POLK: variants seen among roughly 807,000 people sequenced by gnomAD.
POLK encodes the protein DNA polymerase kappa.
In POLK, 76 loss-of-function variants were observed where a neutral mutation model predicts 94.0. That is an observed-to-expected ratio of 0.81 (90% CI 0.67 to 0.98). The LOEUF (loss-of-function observed/expected upper bound fraction) is 0.98, where lower values mean the gene tolerates loss of function less well. Among genes scored for constraint, POLK ranks in the 50% least tolerant of loss-of-function variants. The probability of loss-of-function intolerance (pLI) is 0.00; values close to 1 mark genes in which losing one functional copy is unlikely to be tolerated. For synonymous variants in POLK, 349 were observed against 325.4 expected, an observed-to-expected ratio of 1.07 and a Z score of -0.78; for missense variants, 954 against 1,010.1, an observed-to-expected ratio of 0.94 and a Z score of 0.75.
At chr5:75,551,985 A>G (rs1324402012) in intron 2 of POLK, among the ~76,000 whole-genome samples, 1 of 152,250 alleles carries the variant, frequency 6.6e-6, no homozygotes, top group Admixed American at 6.5e-5. Flanking sequence ...TCAACCAGAT[A>G]AATGGATAGA....
At chr5:75,589,438 CGT>C (rs1308307969) in intron 10 of POLK, among the ~76,000 whole-genome samples, 90 of 144,086 alleles carry the variant, frequency 6.2e-4, no homozygotes, top group African/African-American at 1.9e-3. Context: ...CACACACACA[CGT>C]GGAATATTTC....
At chr5:75,599,870 C>T (rs940271630) in exon 15 of POLK, 12 of 152,084 alleles carry the variant, frequency 7.9e-5, no homozygotes, top group Non-Finnish European at 1.6e-4. Context: ...TATGCCTTCA[C>T]TTTTGTTTTC....
intron 4 of POLK, among the ~76,000 whole-genome samples, chr5:75,572,329 T>G (rs1771639106): frequency 6.6e-6 from 1 of 152,180 alleles, no homozygotes; most frequent in Non-Finnish European, 1.5e-5. Context: ...TTTCTAAACT[T>G]ATTTTAAGCT....
Position 75,569,396 on chromosome 5 carries a change from G to A in POLK, c.312G>A (p.Val104=), listed in dbSNP as rs765815563. The A allele has an allele frequency of 5.0e-6, 8 of 1,613,424 alleles. No individual in the cohort carries two copies. In the Admixed American group the frequency reaches 1.0e-4, roughly 20 times the overall value. The stretch of plus-strand genomic sequence containing the variant: ...GCCGAAATTTGAGCAATACCATAGT[G>A]CACATTGACATGGATGCTTTCTATG... Residue 104 remains valine, a synonymous_variant, in exon 4 of 15, where the codon GTG becomes GTA. Coordinates refer to ENST00000241436, the Ensembl canonical transcript of POLK.
intron 2 of POLK, among the ~76,000 whole-genome samples, chr5:75,550,168 T>G (rs1022539318): frequency 6.6e-6 from 1 of 152,222 alleles, no homozygotes; most frequent in Non-Finnish European, 1.5e-5. Flanking sequence ...AAACACAAGG[T>G]TATACATCAT....
At chr5:75,516,915 ATG>A (rs1768351802) in intron 1 of POLK, among the ~76,000 whole-genome samples, 2 of 152,054 alleles carry the variant, frequency 1.3e-5, no homozygotes, top group Non-Finnish European at 1.5e-5. Context: ...TTTTACCATG[ATG>A]TGTTCTTGAT....
intron 2 of POLK, among the ~76,000 whole-genome samples, chr5:75,550,287 G>A (rs1770267383): frequency 6.6e-6 from 1 of 152,100 alleles, no homozygotes; most frequent in African/African-American, 2.4e-5. Flanking sequence ...AGCAAGGTTG[G>A]TTTAAGATCT....
At chr5:75,511,952 G>T in intron 1 of POLK, 38 bp downstream of exon 1, 1 of 818,078 alleles carries the variant, frequency 1.2e-6, no homozygotes, top group Non-Finnish European at 1.9e-6. Flanking sequence ...TCCCCTTGGG[G>T]CCTTGTCAGT....
At chr5:75,592,523 G>A (rs1442347988) in intron 11 of POLK, among the ~76,000 whole-genome samples, 1 of 152,066 alleles carries the variant, frequency 6.6e-6, no homozygotes, top group African/African-American at 2.4e-5. Context: ...AGACCAGCCT[G>A]GCCAACATGG....
intron 1 of POLK, among the ~76,000 whole-genome samples, chr5:75,539,737 G>T (rs905744073): frequency 6.6e-6 from 1 of 152,110 alleles, no homozygotes; most frequent in Non-Finnish European, 1.5e-5. Flanking sequence ...GGGATTATAG[G>T]CATAAGCCAC....
intron 1 of POLK, among the ~76,000 whole-genome samples, chr5:75,544,378 G>A (rs1461052392): frequency 1.3e-5 from 2 of 152,096 alleles, no homozygotes; most frequent in Non-Finnish European, 1.5e-5. Context: ...CAGGTGTGGT[G>A]GCTCAGGCCT....
intron 1 of POLK, among the ~76,000 whole-genome samples, chr5:75,545,074 A>G (rs768454875): frequency 1.3e-5 from 2 of 152,202 alleles, no homozygotes; most frequent in African/African-American, 2.4e-5. Context: ...CTTTGGCGTC[A>G]CAGCTCTCCA....
In POLK at chr5:75,563,374, G is replaced by A. The variant is rs140612492; in HGVS notation, c.256-5966G>A. ...TCCTGAACTCATTGATTTTTTTAAGGGATTTTCGTGTCTCTATCTCCTTCA... is the reference window on the plus strand; with the variant it reads ...TCCTGAACTCATTGATTTTTTTAAGAGATTTTCGTGTCTCTATCTCCTTCA... On this transcript the variant is annotated intron_variant, in intron 3 of 14. Transcript: ENST00000241436. Among the ~76,000 whole-genome samples the A allele has an allele frequency of 4.7e-4, 72 of 152,064 alleles. No individual in the cohort carries two copies. The East Asian group carries it at 0.014, about 29-fold the overall frequency.
In POLK at chr5:75,593,961, T is replaced by G. The variant is rs1344241968; in HGVS notation, c.1440T>G (p.Thr480=). The G allele has an allele frequency of 1.9e-6, 3 of 1,608,556 alleles. No individual in the cohort carries two copies. In the African/African-American group the frequency reaches 4.0e-5, roughly 21 times the overall value. ...CTACAGTTTCATCTGTTGTTTCTACTGCAGAAGAAATATTTGCCATTGCTA... is the reference window on the plus strand; with the variant it reads ...CTACAGTTTCATCTGTTGTTTCTACGGCAGAAGAAATATTTGCCATTGCTA... Residue 480 remains threonine (T), a synonymous_variant, in exon 12 of 15, where the codon ACT becomes ACG. Coordinates refer to ENST00000241436, the Ensembl canonical transcript of POLK.
intron 1 of POLK, among the ~76,000 whole-genome samples, chr5:75,519,828 TC>T (rs1267107454): frequency 6.6e-6 from 1 of 152,218 alleles, no homozygotes; most frequent in Non-Finnish European, 1.5e-5. Context: ...CTTTATCCAG[TC>T]ATCTACTCTG....
At chr5:75,560,393 G>C (rs1770906986) in intron 3 of POLK, among the ~76,000 whole-genome samples, 1 of 152,058 alleles carries the variant, frequency 6.6e-6, no homozygotes, top group Non-Finnish European at 1.5e-5. Context: ...GGTTGGTTTA[G>C]TACCACTTTA....
At chr5:75,515,253 TC>T (rs1433747477) in intron 1 of POLK, among the ~76,000 whole-genome samples, 1 of 152,200 alleles carries the variant, frequency 6.6e-6, no homozygotes, top group East Asian at 1.9e-4. Context: ...GTATTTTTGG[TC>T]ATTTTATGAA....
exon 15 of POLK, chr5:75,599,856 C>T (rs1418141036): frequency 6.6e-6 from 1 of 152,082 alleles, no homozygotes; most frequent in Admixed American, 6.6e-5. Flanking sequence ...CTCTTCCTCC[C>T]TCTTATGCCT....
At chr5:75,596,492 A>C (rs779799735) in exon 13 of POLK, 2 of 1,614,066 alleles carry the variant, frequency 1.2e-6, no homozygotes, top group East Asian at 2.2e-5. Flanking sequence ...CAACCATTCC[A>C]AGTTTTAAAG....
Sources: allele counts gnomAD v4.1 joint callset (sites outside exome capture counted in the v4.1 genomes callset), GRCh38; gene constraint gnomAD v4.1.1; transcripts MANE v1.5; gene names NCBI Gene and HGNC (gene_info 2026-07-23, HGNC 2026-07-21).